Variants in LOC128462377 observed in about 807,000 individuals in gnomAD.
At chr16:89,346,752 T>C in the LOC128462377 span, among the ~76,000 whole-genome samples, 1 of 152,218 alleles carries the variant, frequency 6.6e-6, no homozygotes, top group Non-Finnish European at 1.5e-5. Flanking sequence ...GAGGGAAATG[T>C]ATTTATATTT....
chr16:89,388,563 G>T, the LOC128462377 span, among the ~76,000 whole-genome samples: 1 of 152,122 alleles, frequency 6.6e-6, no homozygotes, highest in Non-Finnish European at 1.5e-5. Flanking sequence ...AAGCCTGAAT[G>T]CTGCATGTGT....
chr16:89,332,488 A>G, the LOC128462377 span, among the ~76,000 whole-genome samples: 1 of 152,228 alleles, frequency 6.6e-6, no homozygotes, highest in African/African-American at 2.4e-5. Context: ...CCTGCAGGCC[A>G]AGACAAATGC....
the LOC128462377 span, among the ~76,000 whole-genome samples, chr16:89,399,163 G>A: frequency 1.3e-5 from 2 of 152,242 alleles, no homozygotes; most frequent in African/African-American, 2.4e-5. Flanking sequence ...ACGAGTCCAC[G>A]CAAGGACACC....
chr16:89,382,433 C>T, the LOC128462377 span, among the ~76,000 whole-genome samples: 1 of 152,080 alleles, frequency 6.6e-6, no homozygotes, highest in Non-Finnish European at 1.5e-5. Context: ...TCAAGCAATT[C>T]TCCTGCCTCG....
the LOC128462377 span, among the ~76,000 whole-genome samples, chr16:89,342,468 C>A: frequency 6.6e-6 from 1 of 152,240 alleles, no homozygotes; most frequent in Non-Finnish European, 1.5e-5. Context: ...CCAACAGGAA[C>A]AAGGCAAAGC....
chr16:89,388,638 G>A, the LOC128462377 span, among the ~76,000 whole-genome samples: 2 of 152,182 alleles, frequency 1.3e-5, no homozygotes, highest in African/African-American at 4.8e-5. Flanking sequence ...GCTGAAGGAG[G>A]CTGCATAGAG....
chr16:89,335,729 A>G, the LOC128462377 span, among the ~76,000 whole-genome samples: 1 of 152,244 alleles, frequency 6.6e-6, no homozygotes, highest in Middle Eastern at 3.2e-3. Context: ...AGCAAGGACC[A>G]AGGCATCACT....
the LOC128462377 span, among the ~76,000 whole-genome samples, chr16:89,319,266 A>G: frequency 6.6e-6 from 1 of 152,156 alleles, no homozygotes; most frequent in African/African-American, 2.4e-5. Flanking sequence ...TGCGGGGCTT[A>G]TCACTTCACT....
the LOC128462377 span, among the ~76,000 whole-genome samples, chr16:89,413,849 C>CCT: frequency 6.6e-6 from 1 of 152,148 alleles, no homozygotes; most frequent in Non-Finnish European, 1.5e-5. Context: ...CCAGAAAGAG[C>CCT]CTCTCTCTGC....
At chr16:89,340,506 T>C in the LOC128462377 span, among the ~76,000 whole-genome samples, 86,770 of 152,074 alleles carry the variant, frequency 0.57, 25,032 homozygotes, top group African/African-American at 0.66. Context: ...AACTCCTGAC[T>C]TCAGGCGATC....
At chr16:89,364,414 C>T in the LOC128462377 span, among the ~76,000 whole-genome samples, 1 of 152,258 alleles carries the variant, frequency 6.6e-6, no homozygotes, top group African/African-American at 2.4e-5. Context: ...ACACATCCTA[C>T]TCACGGTAAG....
the LOC128462377 span, among the ~76,000 whole-genome samples, chr16:89,381,567 C>G: frequency 1.2e-3 from 189 of 152,266 alleles, no homozygotes; most frequent in African/African-American, 4.2e-3. Context: ...ATTATCCAAA[C>G]AAGTAACTTA....
At chr16:89,399,913 G>C in the LOC128462377 span, among the ~76,000 whole-genome samples, 5 of 152,184 alleles carry the variant, frequency 3.3e-5, no homozygotes, top group South Asian at 8.3e-4. Context: ...GGAAGGTCCA[G>C]TGCACCAGGA....
At chr16:89,335,855 T>TA in the LOC128462377 span, among the ~76,000 whole-genome samples, 1 of 152,068 alleles carries the variant, frequency 6.6e-6, no homozygotes, top group African/African-American at 2.4e-5. Context: ...CTGGTGCTTC[T>TA]AAAGGGCTAG....
chr16:89,378,142 C>G, the LOC128462377 span, among the ~76,000 whole-genome samples: 2 of 152,106 alleles, frequency 1.3e-5, no homozygotes, highest in African/African-American at 4.8e-5. Context: ...TTGAGCCCAG[C>G]AGTTTGAGAC....
At chr16:89,325,162 G>C in the LOC128462377 span, 5 of 152,508 alleles carry the variant, frequency 3.3e-5, no homozygotes, top group Non-Finnish European at 4.4e-5. Context: ...CATAGCAGTG[G>C]GGTTTGCGGC....
the LOC128462377 span, among the ~76,000 whole-genome samples, chr16:89,374,018 T>G: frequency 6.6e-6 from 1 of 152,166 alleles, no homozygotes; most frequent in Non-Finnish European, 1.5e-5. Flanking sequence ...GGACAGGAGC[T>G]CCGCACTTCT....
At chr16:89,401,815 G>A in the LOC128462377 span, among the ~76,000 whole-genome samples, 17 of 152,118 alleles carry the variant, frequency 1.1e-4, no homozygotes, top group Admixed American at 8.5e-4. Flanking sequence ...AGAGGGAGGC[G>A]GAGATCGTGG....
chr16:89,353,093 C>T, the LOC128462377 span, among the ~76,000 whole-genome samples: 1 of 152,160 alleles, frequency 6.6e-6, no homozygotes, highest in African/African-American at 2.4e-5. Flanking sequence ...TAATTAATCC[C>T]AGCACTTTGG....
Sources: allele counts gnomAD v4.1 joint callset (sites outside exome capture counted in the v4.1 genomes callset), GRCh38; gene constraint gnomAD v4.1.1; transcripts MANE v1.5.